Variants in EXTL2 observed in about 807,000 individuals in gnomAD.
The protein encoded by EXTL2 is exostosin like glycosyltransferase 2, also known as exostosin-like 2.
A neutral mutation model predicts 30.7 loss-of-function variants in EXTL2; 23 were observed. That is an observed-to-expected ratio of 0.75 (90% confidence interval 0.54 to 1.06). The LOEUF (loss-of-function observed/expected upper bound fraction) is 1.06. Among genes scored for constraint, EXTL2 ranks in the 50% least tolerant of loss-of-function variants. EXTL2 has a pLI of 0.00. For synonymous variants in EXTL2, 123 were observed against 133.8 expected (o/e 0.92, Z 0.56); for missense variants, 352 against 396.3 (o/e 0.89, Z 0.95).
In EXTL2 at chr1:100,873,938, A is replaced by C; in HGVS notation, c.*4T>G. The C allele has an allele frequency of 6.4e-7, 1 of 1,552,826 alleles. No homozygotes were observed. The highest frequency in any genetic ancestry group is 8.7e-7 in the Non-Finnish European group (1 of 1,154,190). ...TTTCAGGTTTGTTTTTGTTTGTTTT[A>C]CTTTTATATTTTTCTTTTGTAGTTG... is the stretch of plus-strand genomic sequence containing the variant. On this transcript the variant is annotated 3_prime_UTR_variant, in exon 5 of 5. Transcript: ENST00000370114.
intron 2 of EXTL2, among the ~76,000 whole-genome samples, chr1:100,879,580 C>G (rs1202513750): frequency 4.6e-5 from 7 of 152,120 alleles, no homozygotes; most frequent in Admixed American, 4.6e-4. Context: ...TTCTCATCCC[C>G]ACTTCTGGTA....
intron 2 of EXTL2, among the ~76,000 whole-genome samples, chr1:100,881,251 A>G (rs890795904): frequency 2.6e-5 from 4 of 152,236 alleles, no homozygotes; most frequent in African/African-American, 9.6e-5. Flanking sequence ...GCTGAGGTCT[A>G]GAACTCCATT....
At chr1:100,893,467 C>T (rs865993563) in intron 1 of EXTL2, among the ~76,000 whole-genome samples, 1 of 152,192 alleles carries the variant, frequency 6.6e-6, no homozygotes, top group African/African-American at 2.4e-5. Flanking sequence ...ACAACCCCCC[C>T]CTTTCTTCAT....
In EXTL2 at chr1:100,877,374, A is replaced by G; in HGVS notation, c.433+102T>C. The G allele has an allele frequency of 9.1e-7, 1 of 1,102,400 alleles. No individual in the cohort carries two copies. Among genetic ancestry groups the G allele is most frequent in the Non-Finnish European group, 1.3e-6 (1 of 787,674 alleles). The allele number at this position is 1,102,400 out of a possible 1,614,324, so 68.3% of individuals were successfully genotyped here. ...TGCTTTCTTAGGACTAACTTCCTTC[A>G]TTTTTCTCCAGACGGTTAAGCAGAA... is the stretch of plus-strand genomic sequence containing the variant. On this transcript the variant is annotated intron_variant, in intron 3 of 4. Coordinates refer to ENST00000370114, the MANE Select transcript of EXTL2 (RefSeq NM_001033025.3). The surrounding 1 kb of genome is among the most constrained non-coding windows in gnomAD (Gnocchi z 4.1).
rs1255481879 is a variant in EXTL2 at position 100,877,888 on chromosome 1, G to A, written c.21C>T (p.Cys7=). The A allele has an allele frequency of 1.3e-6, 2 of 1,596,764 alleles. No individual in the cohort carries two copies. Among genetic ancestry groups the A allele is most frequent in the Non-Finnish European group, 1.7e-6 (2 of 1,177,854 alleles). ...TCCCCATTACTCTCCCAGGAAGTTT[G>A]CAGATGTGGCAACACCTGGAGTAGA... is the stretch of plus-strand genomic sequence containing the variant. MRCCHI[C]KLPGRVMGIR... The change falls in exon 3 of 5, where the codon TGC becomes TGT. Residue 7 remains cysteine, a synonymous_variant. Transcript: ENST00000370114. The surrounding 1 kb of genome is among the most constrained non-coding windows in gnomAD (Gnocchi z 4.1).
intron 2 of EXTL2, among the ~76,000 whole-genome samples, chr1:100,887,768 G>A (rs1365898754): frequency 6.6e-6 from 1 of 151,790 alleles, no homozygotes; most frequent in East Asian, 1.9e-4. Context: ...TAAGTGGCGC[G>A]ATCCGGCTCA....
Position 100,877,625 on chromosome 1 carries a change from A to T in EXTL2, c.284T>A (p.Val95Glu). The change falls in exon 3 of 5, where the codon GTG becomes GAG. Residue 95 changes from valine to glutamate, a missense_variant. By Grantham distance (121) the Val-to-Glu change is moderately radical. Coordinates refer to ENST00000370114, the MANE Select transcript of EXTL2 (RefSeq NM_001033025.3). This position sits in a 1 kb window ranked among gnomAD's most constrained non-coding sequence, Gnocchi z 4.1. The part of the protein sequence containing the change: ...HYQAVPNLHK[V>E]IVVWNNIGEK... ...TCCAATATTGTTCCATACCACAATCACTTTGTGCAGATTTGGTACAGCCTG... is the reference window on the plus strand; with the variant it reads ...TCCAATATTGTTCCATACCACAATCTCTTTGTGCAGATTTGGTACAGCCTG... The T allele has an allele frequency of 6.2e-7, 1 of 1,613,596 alleles. No homozygotes were observed. The highest frequency in any genetic ancestry group is 8.5e-7 in the Non-Finnish European group (1 of 1,179,692).
Position 100,874,204 on chromosome 1 carries a change from TCA to T in EXTL2, c.729_730del (p.Cys243Ter). ...AATGATAAAATTCATGGCAATATCA[TCA>T]CAGTTTTGAGTATCATCTATCAAAG... On this transcript the variant is annotated stop_gained and frameshift_variant, in exon 5 of 5. Coordinates refer to ENST00000370114, the MANE Select transcript of EXTL2 (RefSeq NM_001033025.3). LOFTEE classifies it high-confidence loss of function. 6.2e-7 allele frequency: 1 copy of T among 1,613,002 alleles called. No individual in the cohort carries two copies. Among genetic ancestry groups the T allele is most frequent in the East Asian group, 2.2e-5 (1 of 44,836 alleles).
rs961063239 is a variant in EXTL2, at chr1:100,880,202, A to G, written c.6-2299T>C. Among the ~76,000 whole-genome samples, 96 of 152,248 alleles carry G rather than the reference A, an allele frequency of 6.3e-4. 1 individual carries two copies. The highest frequency in any genetic ancestry group is 2.2e-3 in the African/African-American group (92 of 41,568). On this transcript the variant is annotated intron_variant, in intron 2 of 4. Coordinates refer to ENST00000370114, the MANE Select transcript of EXTL2 (RefSeq NM_001033025.3). ...TTAGAGAATTGCAAAGAAGGACAAG[A>G]GCATACTCTCCATGATAGGACAGTA...
chr1:100,894,386 T>C (rs1327449837), intron 1 of EXTL2, among the ~76,000 whole-genome samples: 1 of 152,184 alleles, frequency 6.6e-6, no homozygotes, highest in African/African-American at 2.4e-5. Flanking sequence ...AAGAATGAAA[T>C]ATACGCTAAC....
chr1:100,893,929 A>C (rs1293941507), intron 1 of EXTL2, among the ~76,000 whole-genome samples: 1 of 152,208 alleles, frequency 6.6e-6, no homozygotes, highest in Non-Finnish European at 1.5e-5. Context: ...GATGTAACTG[A>C]AATTAAACTT....
chr1:100,876,733 G>T, intron 4 of EXTL2, 61 bp downstream of exon 4: 2 of 1,092,772 alleles, frequency 1.8e-6, no homozygotes, highest in Non-Finnish European at 2.8e-6. Flanking sequence ...CCATGTTGCC[G>T]TGGTTAAGTA....
rs1648786055 is a variant in EXTL2, at chr1:100,872,619, T to G, written c.*1323A>C. On this transcript the variant is annotated 3_prime_UTR_variant, in exon 5 of 5. Coordinates refer to ENST00000370114, the MANE Select transcript of EXTL2 (RefSeq NM_001033025.3). The stretch of plus-strand genomic sequence containing the variant: ...GCACAAAGACCTCATTATTGGAACA[T>G]TAGCCATGATTATTTTAATATTCTC... 6.6e-6 allele frequency: 1 copy of G among 152,422 alleles called. No homozygotes were observed. The highest frequency in any genetic ancestry group is 1.5e-5 in the Non-Finnish European group (1 of 67,964). 9.4% of individuals were successfully genotyped at this position (152,422 alleles called of 1,614,324 possible).
intron 2 of EXTL2, chr1:100,881,161 A>G (rs1649522996): frequency 3.7e-6 from 2 of 542,398 alleles, no homozygotes; most frequent in South Asian, 1.6e-4. Context: ...AATTATGTAA[A>G]TTTTAGTTTG....
chr1:100,881,834 C>A (rs1649581077), intron 2 of EXTL2, among the ~76,000 whole-genome samples: 1 of 152,160 alleles, frequency 6.6e-6, no homozygotes, highest in Non-Finnish European at 1.5e-5. Flanking sequence ...GTCTTCTACA[C>A]CAGAGGTCCC....
rs74105862 is a variant in EXTL2, at chr1:100,874,068, G to A, written c.867C>T (p.His289=). 2.3e-3 allele frequency: 3,726 copies of A among 1,613,056 alleles called. 67 individuals carry two copies. The African/African-American group carries it at 0.042, about 18-fold the overall frequency. Reference sequence around the variant, plus strand: ...TTATACAATAAGACCTCTGCAGAGCGTGCTCAGCTCGATGCCACATTCCAG... The same window carrying A: ...TTATACAATAAGACCTCTGCAGAGCATGCTCAGCTCGATGCCACATTCCAG... The part of the protein sequence containing the change: ...GYSGMWHRAE[H]ALQRSYCINK... The change falls in exon 5 of 5, where the codon CAC becomes CAT. Residue 289 remains histidine (H), a synonymous_variant. Transcript: ENST00000370114.
At chr1:100,874,947 C>T (rs1648987285) in intron 4 of EXTL2, among the ~76,000 whole-genome samples, 1 of 151,790 alleles carries the variant, frequency 6.6e-6, no homozygotes, top group South Asian at 2.1e-4. Context: ...CCCATTTCAG[C>T]TTGGGTGTTT....
intron 1 of EXTL2, among the ~76,000 whole-genome samples, chr1:100,889,322 A>G (rs1480230749): frequency 6.6e-6 from 1 of 152,216 alleles, no homozygotes; most frequent in Admixed American, 6.5e-5. Context: ...AACTGTCCCC[A>G]TGATCTAATC....
chr1:100,889,310 G>A (rs1484062736), intron 1 of EXTL2, among the ~76,000 whole-genome samples: 1 of 152,184 alleles, frequency 6.6e-6, no homozygotes, highest in Non-Finnish European at 1.5e-5. Context: ...CAGCATGGGA[G>A]AAACTGTCCC....
Sources: gnomAD v4.1 joint callset for allele counts (sites outside exome capture counted in the v4.1 genomes callset) on GRCh38, gnomAD v4.1.1 for gene constraint, Gnocchi (gnomAD v3.1) non-coding constraint, MANE v1.5 for transcripts, NCBI Gene and HGNC (gene_info 2026-07-23, HGNC 2026-07-21) for gene names.